The following ASH1L variants were observed in gnomAD, a reference collection of about 807,000 sequenced individuals.
ASH1L encodes histone-lysine N-methyltransferase ASH1L.
A neutral mutation model predicts 269.0 loss-of-function variants in ASH1L; 23 were observed. The ratio of observed to expected loss-of-function variants is 0.09; its 90% CI spans 0.06 to 0.12. The LOEUF (loss-of-function observed/expected upper bound fraction) is 0.12. Among genes scored for constraint, ASH1L ranks in the 10% least tolerant of loss-of-function variants. The pLI is 1.00. For synonymous variants in ASH1L, 1,187 were observed against 1,253.5 expected, an observed-to-expected ratio of 0.95 and a Z score of 1.12; for missense variants, 2,912 against 3,567.8, an observed-to-expected ratio of 0.82 and a Z score of 4.68.
At chr1:155,401,706 T>C (rs1221977913) in intron 6 of ASH1L, among the ~76,000 whole-genome samples, 1 of 152,100 alleles carries the variant, frequency 6.6e-6, no homozygotes, top group East Asian at 1.9e-4. Flanking sequence ...GAGAATTGCC[T>C]GAACCCCGGA....
chr1:155,381,506 C>A (rs1656940732), intron 7 of ASH1L, among the ~76,000 whole-genome samples: 2 of 148,856 alleles, frequency 1.3e-5, no homozygotes, highest in Admixed American at 6.7e-5. Flanking sequence ...GCCAAGATTG[C>A]ACCACTGCAC....
At chr1:155,487,846 G>C (rs2148750994) in intron 2 of ASH1L, among the ~76,000 whole-genome samples, 1 of 150,918 alleles carries the variant, frequency 6.6e-6, no homozygotes, top group South Asian at 2.1e-4. Context: ...AACATATTCA[G>C]CTTCCTTAAT....
At chr1:155,486,646 T>C (rs1666345885) in intron 2 of ASH1L, among the ~76,000 whole-genome samples, 1 of 152,156 alleles carries the variant, frequency 6.6e-6, no homozygotes, top group African/African-American at 2.4e-5. Flanking sequence ...AAACATCTCA[T>C]GTATCCCATA....
chr1:155,370,265 C>CA, intron 12 of ASH1L: 2 of 526,840 alleles, frequency 3.8e-6, no homozygotes, highest in East Asian at 3.1e-5. Context: ...GCATGCCAAA[C>CA]AAAAAAACCA....
At chr1:155,487,377 C>G (rs574085569) in intron 2 of ASH1L, among the ~76,000 whole-genome samples, 5 of 151,948 alleles carry the variant, frequency 3.3e-5, no homozygotes, top group African/African-American at 1.2e-4. Context: ...CAATGTCATA[C>G]TACTTTTTTA....
In ASH1L at chr1:155,347,763, A is replaced by T; in HGVS notation, c.7696T>A (p.Ser2566Thr). The T allele has an allele frequency of 6.2e-7, 1 of 1,614,204 alleles. No individual in the cohort carries two copies. The highest frequency in any genetic ancestry group is 8.5e-7 in the Non-Finnish European group (1 of 1,180,026). The change falls in exon 20 of 28, where the codon TCA becomes ACA. Residue 2566 changes from serine to threonine, a missense_variant. This residue lies in a region of ASH1L where 309 missense variants were observed against 435.1 expected (regional missense o/e 0.71). Transcript: ENST00000392403. ...TASEADSSET[S>T]VSEKENGHEK... Reference sequence around the variant, plus strand: ...TGCCCATTCTCCTTTTCAGAGACTGAGGTCTCACTGCTGTCTGCCTCACTT... The same window carrying T: ...TGCCCATTCTCCTTTTCAGAGACTGTGGTCTCACTGCTGTCTGCCTCACTT...
chr1:155,368,991 T>G (rs904699512), intron 12 of ASH1L, among the ~76,000 whole-genome samples: 4 of 152,240 alleles, frequency 2.6e-5, no homozygotes, highest in African/African-American at 9.6e-5. Context: ...AAAACTCATC[T>G]GTGGCAATGG....
chr1:155,449,665 G>A (rs1160974654), intron 4 of ASH1L, among the ~76,000 whole-genome samples: 1 of 151,556 alleles, frequency 6.6e-6, no homozygotes, highest in Admixed American at 6.6e-5. Flanking sequence ...GACTACAGGC[G>A]CCCGCCACCA....
At chr1:155,388,804 C>T (rs1215330367) in intron 7 of ASH1L, among the ~76,000 whole-genome samples, 2 of 150,652 alleles carry the variant, frequency 1.3e-5, no homozygotes, top group African/African-American at 2.5e-5. Flanking sequence ...ACTGCAGCCT[C>T]GATCTCCTGG....
intron 4 of ASH1L, chr1:155,440,425 C>G (rs2148624820): frequency 4.9e-6 from 1 of 205,164 alleles, no homozygotes; most frequent in South Asian, 1.7e-4. Context: ...GATTAACTTT[C>G]AATTACTTGC....
upstream of ASH1L, chr1:155,563,008 C>T (rs780821993): frequency 1.7e-5 from 8 of 457,904 alleles, no homozygotes; most frequent in Admixed American, 1.2e-4. Flanking sequence ...ACGGGCCGAG[C>T]GGGTCGGGGC....
At position 155,482,251 on chromosome 1, in the gene ASH1L, T is replaced by C; in HGVS notation, c.619A>G (p.Arg207Gly). The change falls in exon 3 of 28, where the codon AGA becomes GGA. Residue 207 changes from arginine to glycine, a missense_variant. Transcript: ENST00000392403. ...CTAGTTCCTCCATTAAGTAATGCTC[T>C]GTCCTTTAAATCAGGATCCCGGCTA... ...LGSRDPDLKD[R>G]ALLNGGTSVT... The C allele has an allele frequency of 2.5e-6, 4 of 1,614,178 alleles. No individual in the cohort carries two copies. Among genetic ancestry groups the C allele is most frequent in the Non-Finnish European group, 3.4e-6 (4 of 1,180,010 alleles).
intron 6 of ASH1L, among the ~76,000 whole-genome samples, chr1:155,398,532 T>G (rs772686034): frequency 1.3e-5 from 2 of 152,170 alleles, no homozygotes; most frequent in Non-Finnish European, 1.5e-5. Context: ...CACTTTATAG[T>G]ATAGAGTACT....
intron 6 of ASH1L, among the ~76,000 whole-genome samples, chr1:155,409,064 G>A (rs749918301): frequency 2.0e-5 from 3 of 151,440 alleles, no homozygotes; most frequent in South Asian, 2.1e-4. Flanking sequence ...TTGCTCTGTC[G>A]CCCAGGCTGG....
chr1:155,474,002 AT>A (rs1177858708), intron 3 of ASH1L, among the ~76,000 whole-genome samples: 1 of 151,864 alleles, frequency 6.6e-6, no homozygotes, highest in Non-Finnish European at 1.5e-5. Context: ...CTGCTGGCTA[AT>A]TTTTTTATTT....
chr1:155,510,617 C>G (rs1404489701), intron 2 of ASH1L, among the ~76,000 whole-genome samples: 2 of 151,970 alleles, frequency 1.3e-5, no homozygotes, highest in Admixed American at 6.6e-5. Context: ...TTTGTAAGTG[C>G]AAATATGTTT....
rs542271502 is a variant in ASH1L at position 155,562,291 on chromosome 1, G to A, written c.-238C>T. The A allele has an allele frequency of 2.0e-5, 32 of 1,600,068 alleles. No homozygotes were observed. The African/African-American group carries it at 3.6e-4, about 18-fold the overall frequency. On this transcript the variant is annotated 5_prime_UTR_variant, in exon 1 of 28. Coordinates refer to ENST00000392403, the MANE Select transcript of ASH1L (RefSeq NM_018489.3). ...TTGTCAGGAGGCGGCCAGCGGGTAA[G>A]CTGACTGGCGGAAATGCGAGAGAGG...
intron 5 of ASH1L, chr1:155,434,143 T>C (rs1446840710): frequency 2.5e-6 from 4 of 1,593,406 alleles, no homozygotes; most frequent in Middle Eastern, 1.8e-4. Context: ...CCCATTTTGG[T>C]ACCCCAGGCT....
At chr1:155,421,664 C>T (rs1382694462) in intron 5 of ASH1L, among the ~76,000 whole-genome samples, 3 of 150,638 alleles carry the variant, frequency 2.0e-5, no homozygotes, top group African/African-American at 7.3e-5. Context: ...GAGCAAGACT[C>T]CATCTCAAAA....
Sources: gnomAD v4.1 joint callset for allele counts (sites outside exome capture counted in the v4.1 genomes callset) on GRCh38, gnomAD v4.1.1 for gene constraint, gnomAD v4.1.1 regional missense constraint, MANE v1.5 for transcripts, NCBI Gene and HGNC (gene_info 2026-07-23, HGNC 2026-07-21) for gene names.